Variants in SYTL3 observed in about 807,000 individuals in gnomAD.
SYTL3 encodes the protein synaptotagmin like 3, also known as synaptotagmin-like protein 3.
Under a neutral mutation model 82.1 loss-of-function variants are expected in SYTL3, and 88 were observed. The ratio of observed to expected loss-of-function variants is 1.07; its 90% CI spans 0.90 to 1.28. The LOEUF is 1.28. Ranked by LOEUF, SYTL3 falls within the 50% of genes most tolerant of loss-of-function variation. The pLI is 0.00. For synonymous variants in SYTL3, 311 were observed against 289.4 expected, an observed-to-expected ratio of 1.07 and a Z score of -0.76; for missense variants, 831 against 757.6, an observed-to-expected ratio of 1.10 and a Z score of -1.14.
intron 10 of SYTL3, among the ~76,000 whole-genome samples, chr6:158,722,873 C>T (rs991583623): frequency 6.9e-6 from 1 of 145,564 alleles, no homozygotes; most frequent in Admixed American, 7.0e-5. Flanking sequence ...TCAAGCCATT[C>T]TCCTGTCTCA....
intron 6 of SYTL3, among the ~76,000 whole-genome samples, chr6:158,690,573 G>A (rs1049653385): frequency 6.6e-6 from 1 of 152,110 alleles, no homozygotes; most frequent in Non-Finnish European, 1.5e-5. Flanking sequence ...ATAATAAATT[G>A]TGGTAATATG....
intron 2 of SYTL3, among the ~76,000 whole-genome samples, chr6:158,660,279 CAACAAAA>C (rs1028967042): frequency 4.6e-5 from 7 of 151,700 alleles, no homozygotes; most frequent in African/African-American, 1.2e-4. Flanking sequence ...ACAACAACAA[CAACAAAA>C]AACAAAAAAC....
chr6:158,755,021 CAG>C (rs1282374274), intron 13 of SYTL3, among the ~76,000 whole-genome samples: 1 of 152,138 alleles, frequency 6.6e-6, no homozygotes, highest in African/African-American at 2.4e-5. Context: ...AGTTTATAGA[CAG>C]AGATTGAATG....
chr6:158,661,118 TTAG>T (rs1420880657), intron 2 of SYTL3, among the ~76,000 whole-genome samples, 148 bp from the exon 3 acceptor site: 2 of 152,014 alleles, frequency 1.3e-5, no homozygotes, highest in Non-Finnish European at 2.9e-5. Context: ...AGTAGTACGA[TTAG>T]TAGAGTGGAA....
In SYTL3 at chr6:158,665,557, C is replaced by T; in HGVS notation, c.273C>T (p.Cys91=). The part of the protein sequence containing the change: ...RGCSHRVCAQ[C]RVFLRGTHAW... ...GCAGCCACCGCGTGTGTGCCCAGTG[C>T]CGAGTGTTCCTGAGGGGGACCCATG... Residue 91 remains cysteine (C), a synonymous_variant, in exon 5 of 18, where the codon TGC becomes TGT. Coordinates refer to ENST00000611299, the MANE Select transcript of SYTL3 (RefSeq NM_001242394.2). 1.3e-6 allele frequency: 2 copies of T among 1,583,088 alleles called. No homozygotes were observed. The highest frequency in any genetic ancestry group is 1.7e-6 in the Non-Finnish European group (2 of 1,165,474).
intron 11 of SYTL3, among the ~76,000 whole-genome samples, chr6:158,731,288 A>C (rs1210673200): frequency 1.3e-5 from 2 of 152,036 alleles, no homozygotes; most frequent in Admixed American, 6.5e-5. Flanking sequence ...CATCTCAAAA[A>C]AAAACAAAAC....
At chr6:158,647,439 G>GCA (rs1787551851), upstream of SYTL3, among the ~76,000 whole-genome samples, 1 of 152,178 alleles carries the variant, frequency 6.6e-6, no homozygotes, top group Admixed American at 6.5e-5. Context: ...CTGAGCTGGG[G>GCA]GTTGAGGCTA....
At chr6:158,645,973 C>T (rs1045439803), upstream of SYTL3, among the ~76,000 whole-genome samples, 1 of 152,184 alleles carries the variant, frequency 6.6e-6, no homozygotes, top group Non-Finnish European at 1.5e-5. Context: ...CATAGCACTT[C>T]TCTCAGTTTG....
At chr6:158,756,718 A>ATT (rs1554266255) in intron 13 of SYTL3, among the ~76,000 whole-genome samples, 1,011 of 47,146 alleles carry the variant, frequency 0.021, 9 homozygotes, top group Non-Finnish European at 0.027. Flanking sequence ...CTCAAAAAAA[A>ATT]ATTTTTTTTT....
At chr6:158,755,528 C>T (rs3123098) in intron 13 of SYTL3, among the ~76,000 whole-genome samples, 78,826 of 152,082 alleles carry the variant, frequency 0.52, 21,482 homozygotes, top group African/African-American at 0.65. Context: ...GTGCCTGGCC[C>T]GCAGACATCA....
upstream of SYTL3, among the ~76,000 whole-genome samples, chr6:158,648,637 T>G (rs186288212): frequency 1.6e-4 from 24 of 151,748 alleles, no homozygotes; most frequent in Admixed American, 1.4e-3. Context: ...TCCAGCAGTG[T>G]TGTTCTGCTA....
At chr6:158,707,109 C>G in intron 6 of SYTL3, 121 bp from the exon 7 acceptor site, 1 of 1,035,344 alleles carries the variant, frequency 9.7e-7, no homozygotes, top group East Asian at 2.5e-5. Context: ...AAAATGATCT[C>G]TTACTTTTTA....
At position 158,751,964 on chromosome 6, in the gene SYTL3, C is replaced by T; in HGVS notation, c.1071C>T (p.Ser357=). The change falls in exon 13 of 18, where the codon TCC becomes TCT. Residue 357 remains serine (S), a synonymous_variant. Transcript: ENST00000611299. ...CCTACCTGTTGCCCGACAGATCCTC[C>T]CAGGGAAAGCGCAAGACTGGAGTCC... ...VKTYLLPDRS[S]QGKRKTGVQR... 2 of 1,602,728 alleles carry T rather than the reference C, an allele frequency of 1.2e-6. No individual in the cohort carries two copies. The highest frequency in any genetic ancestry group is 1.7e-6 in the Non-Finnish European group (2 of 1,175,084).
chr6:158,681,516 A>G (rs1315912839), intron 5 of SYTL3, among the ~76,000 whole-genome samples: 2 of 152,102 alleles, frequency 1.3e-5, no homozygotes, highest in East Asian at 3.9e-4. Context: ...TATCTCTACT[A>G]AAAATACAAA....
At chr6:158,757,070 G>T (rs911414231) in intron 13 of SYTL3, 141 bp from the exon 14 acceptor site, 1 of 538,494 alleles carries the variant, frequency 1.9e-6, no homozygotes, top group Non-Finnish European at 2.8e-6. Flanking sequence ...GGCTGCATCC[G>T]CATCTTGGAC....
At chr6:158,647,007 C>T (rs1395588013), upstream of SYTL3, among the ~76,000 whole-genome samples, 1 of 152,152 alleles carries the variant, frequency 6.6e-6, no homozygotes. Context: ...GAATTATGTG[C>T]AAAGCAAGAG....
chr6:158,726,964 C>T (rs1383517733), intron 11 of SYTL3, among the ~76,000 whole-genome samples: 2 of 151,546 alleles, frequency 1.3e-5, no homozygotes, highest in African/African-American at 4.9e-5. Context: ...ATTCTCCTGC[C>T]TCAGCCTCCC....
At chr6:158,722,862 T>G (rs1784288430) in intron 10 of SYTL3, among the ~76,000 whole-genome samples, 1 of 144,202 alleles carries the variant, frequency 6.9e-6, no homozygotes, top group Non-Finnish European at 1.5e-5. Flanking sequence ...GCCTCCCAGG[T>G]TCAAGCCATT....
At chr6:158,655,934 T>C (rs1052829424) in intron 2 of SYTL3, among the ~76,000 whole-genome samples, 2 of 152,162 alleles carry the variant, frequency 1.3e-5, no homozygotes, top group South Asian at 2.1e-4. Flanking sequence ...GTGGGGCCGA[T>C]GCGTGGAAAT....
Sources: allele counts gnomAD v4.1 joint callset (sites outside exome capture counted in the v4.1 genomes callset), GRCh38; gene constraint gnomAD v4.1.1; transcripts MANE v1.5; gene names NCBI Gene and HGNC (gene_info 2026-07-23, HGNC 2026-07-21).